RBFOX1: variants seen among roughly 807,000 people sequenced by gnomAD.
The protein encoded by RBFOX1 is RNA binding protein fox-1 homolog 1.
RBFOX1 carries 8 observed loss-of-function variants against 57.7 expected under a neutral mutation model. The observed-to-expected ratio is 0.14, with a 90% confidence interval of 0.08 to 0.25. The LOEUF (loss-of-function observed/expected upper bound fraction) is 0.25. Ranked by LOEUF, RBFOX1 falls within the 10% of genes least tolerant of loss-of-function variation. The pLI is 1.00. For missense variants in RBFOX1, 611 were observed against 548.5 expected (o/e 1.11, Z -1.14); for synonymous variants, 326 against 222.4 (o/e 1.47, Z -4.15).
intron 3 of RBFOX1, among the ~76,000 whole-genome samples, chr16:6,742,925 T>C (rs1453004634): frequency 6.6e-6 from 1 of 152,158 alleles, no homozygotes; most frequent in Non-Finnish European, 1.5e-5. Context: ...CAGAAATCTA[T>C]ACGTGTAATA....
At chr16:6,847,564 C>A (rs1490273613) in intron 3 of RBFOX1, among the ~76,000 whole-genome samples, 2 of 151,804 alleles carry the variant, frequency 1.3e-5, no homozygotes, top group Admixed American at 1.3e-4. Context: ...GAAGTGTGGT[C>A]CATGGTCAGT....
intron 3 of RBFOX1, among the ~76,000 whole-genome samples, chr16:5,773,728 C>T (rs1264580877): frequency 4.6e-5 from 7 of 152,090 alleles, no homozygotes; most frequent in Admixed American, 2.0e-4. Context: ...GACAGAGTCT[C>T]GCTCTGTTGC....
intron 4 of RBFOX1, among the ~76,000 whole-genome samples, chr16:7,474,907 T>C (rs1039621732): frequency 6.6e-6 from 1 of 152,182 alleles, no homozygotes; most frequent in African/African-American, 2.4e-5. Flanking sequence ...GTCTCATATA[T>C]TTTCCAATAT....
chr16:7,363,707 C>T (rs1479606312), intron 4 of RBFOX1, among the ~76,000 whole-genome samples: 2 of 152,064 alleles, frequency 1.3e-5, no homozygotes, highest in African/African-American at 4.8e-5. Context: ...GAGGACAAAA[C>T]CTTTTTGCTT....
intron 4 of RBFOX1, among the ~76,000 whole-genome samples, chr16:7,092,523 C>G (rs2061029320): frequency 6.6e-6 from 1 of 152,176 alleles, no homozygotes; most frequent in African/African-American, 2.4e-5. Flanking sequence ...AATGGCGATT[C>G]CAGAACTTAT....
At chr16:7,404,343 G>A (rs147114379) in intron 4 of RBFOX1, among the ~76,000 whole-genome samples, 1,861 of 152,216 alleles carry the variant, frequency 0.012, 28 homozygotes, top group African/African-American at 0.035. Context: ...ATAAGCCACC[G>A]TGCCCAGCCG....
chr16:7,154,886 G>A (rs775438288), intron 4 of RBFOX1, among the ~76,000 whole-genome samples: 5 of 152,114 alleles, frequency 3.3e-5, no homozygotes, highest in Non-Finnish European at 7.4e-5. Flanking sequence ...CATAGGTAAG[G>A]AAACTAGGAT....
intron 2 of RBFOX1, among the ~76,000 whole-genome samples, chr16:5,533,434 G>A (rs2044565760): frequency 6.6e-6 from 1 of 152,192 alleles, no homozygotes; most frequent in African/African-American, 2.4e-5. Flanking sequence ...GTGATGAGTT[G>A]CAGGCACACT....
rs569715490 is a variant in RBFOX1, at chr16:5,828,558, G to T, written c.319-38745G>T. On this transcript the variant is annotated intron_variant, in intron 3 of 19. Transcript: ENST00000641259. ...ACTAAAAATACAAAAGATTAGCTGG[G>T]CGTGGTGGTGCACGCCTGTAGTCCC... Among the ~76,000 whole-genome samples the T allele has an allele frequency of 1.1e-4, 17 of 152,218 alleles. 1 individual carries two copies. In the East Asian group the frequency reaches 3.3e-3, roughly 29 times the overall value.
At chr16:6,747,883 G>A (rs975738988) in intron 3 of RBFOX1, among the ~76,000 whole-genome samples, 4 of 151,990 alleles carry the variant, frequency 2.6e-5, no homozygotes, top group Non-Finnish European at 5.9e-5. Flanking sequence ...CATACCTTAT[G>A]GCTTCACCAT....
At chr16:7,198,945 G>A (rs1421140197) in intron 4 of RBFOX1, among the ~76,000 whole-genome samples, 1 of 152,192 alleles carries the variant, frequency 6.6e-6, no homozygotes, top group Non-Finnish European at 1.5e-5. Flanking sequence ...CATGCTTGCA[G>A]GAGAACCCCT....
chr16:5,786,180 C>G (rs1567539883), intron 3 of RBFOX1, among the ~76,000 whole-genome samples: 1 of 152,184 alleles, frequency 6.6e-6, no homozygotes, highest in Non-Finnish European at 1.5e-5. Flanking sequence ...CCACTGTGTT[C>G]TCTCTGCCCT....
At chr16:7,396,398 G>A (rs539901632) in intron 4 of RBFOX1, among the ~76,000 whole-genome samples, 1 of 152,210 alleles carries the variant, frequency 6.6e-6, no homozygotes, top group African/African-American at 2.4e-5. Flanking sequence ...TTATTCTTCT[G>A]TTTTTCTCCC....
intron 3 of RBFOX1, among the ~76,000 whole-genome samples, chr16:6,673,913 T>A (rs999931330): frequency 6.6e-6 from 1 of 151,976 alleles, no homozygotes; most frequent in Non-Finnish European, 1.5e-5. Flanking sequence ...ATTGGGAGGA[T>A]CCTGAAAGAC....
chr16:7,032,396 G>C (rs1314091003), intron 3 of RBFOX1, among the ~76,000 whole-genome samples: 1 of 152,022 alleles, frequency 6.6e-6, no homozygotes, highest in African/African-American at 2.4e-5. Context: ...AGTGAGCTGA[G>C]ATCCCAGTGC....
rs564677783 is a variant in RBFOX1 at position 6,986,077 on chromosome 16, T to C, written c.-15-65980T>C. Among the ~76,000 whole-genome samples, 354 of 151,774 alleles carry C rather than the reference T, an allele frequency of 2.3e-3. 2 individuals are homozygous for C. Among genetic ancestry groups the C allele is most frequent in the African/African-American group, 8.3e-3 (343 of 41,490 alleles). On this transcript the variant is annotated intron_variant, in intron 3 of 15. Transcript: ENST00000550418. ...TAAATTTCATTTGTCTTTTTAAAAA[T>C]GTGCAATATTTTTTCAACTTTTTAT...
intron 1 of RBFOX1, among the ~76,000 whole-genome samples, chr16:5,329,107 G>A (rs990713917): frequency 1.3e-5 from 2 of 152,154 alleles, no homozygotes; most frequent in South Asian, 2.1e-4. Context: ...AGTAGTTTCC[G>A]TTATTATTTC....
chr16:5,240,230 C>T (rs1487256523), intron 1 of RBFOX1: 2 of 727,578 alleles, frequency 2.7e-6, no homozygotes, highest in Non-Finnish European at 4.9e-6. Context: ...AGTGGCAACT[C>T]CGGCGGGCGC....
chr16:6,694,099 C>G (rs899405063), intron 3 of RBFOX1, among the ~76,000 whole-genome samples: 1 of 152,124 alleles, frequency 6.6e-6, no homozygotes, highest in African/African-American at 2.4e-5. Flanking sequence ...AATTCAACAC[C>G]CAGGTTTGGA....
Sources: allele counts gnomAD v4.1 joint callset (sites outside exome capture counted in the v4.1 genomes callset), GRCh38; gene constraint gnomAD v4.1.1; transcripts MANE v1.5; gene names NCBI Gene and HGNC (gene_info 2026-07-23, HGNC 2026-07-21).